Variants in SLC6A11 observed in about 807,000 individuals in gnomAD.
SLC6A11 encodes solute carrier family 6 member 11, also known as sodium- and chloride-dependent GABA transporter 3.
In SLC6A11, 25 loss-of-function variants were observed where a neutral mutation model predicts 74.8. The observed-to-expected ratio is 0.33, with a 90% CI of 0.24 to 0.47. The LOEUF is 0.47. Ranked by LOEUF, SLC6A11 falls within the 20% of genes least tolerant of loss-of-function variation. The probability of loss-of-function intolerance (pLI) is 1.00; values close to 1 mark genes in which losing one functional copy is unlikely to be tolerated. For synonymous variants in SLC6A11, 330 were observed against 330.2 expected (o/e 1.00, Z 0.01); for missense variants, 574 against 837.0 (o/e 0.69, Z 3.88).
intron 5 of SLC6A11, among the ~76,000 whole-genome samples, chr3:10,850,769 C>T (rs1316079451): frequency 6.6e-6 from 1 of 152,144 alleles, no homozygotes; most frequent in Non-Finnish European, 1.5e-5. Context: ...ACAGGTTTTC[C>T]AGCAGGGATA....
intron 6 of SLC6A11, among the ~76,000 whole-genome samples, chr3:10,910,615 C>T (rs1307748045): frequency 2.0e-5 from 3 of 152,048 alleles, no homozygotes; most frequent in Admixed American, 6.5e-5. Context: ...TGAGAGGTTA[C>T]ACCACAGGCC....
chr3:10,919,629 C>T (rs1020356016), intron 8 of SLC6A11, among the ~76,000 whole-genome samples: 20 of 152,238 alleles, frequency 1.3e-4, no homozygotes, highest in Admixed American at 1.3e-3. Flanking sequence ...TCAGAGTCCA[C>T]CTTGCTCTTG....
intron 5 of SLC6A11, among the ~76,000 whole-genome samples, chr3:10,867,109 A>G (rs2106598521): frequency 6.6e-6 from 1 of 152,334 alleles, no homozygotes; most frequent in South Asian, 2.1e-4. Context: ...GAGAGATAGA[A>G]GCGAGACTGG....
intron 7 of SLC6A11, among the ~76,000 whole-genome samples, chr3:10,912,817 G>C (rs1377676731): frequency 6.6e-6 from 1 of 152,122 alleles, no homozygotes; most frequent in African/African-American, 2.4e-5. Context: ...ACCCAGCTCT[G>C]TGTGGTGGAA....
At chr3:10,912,289 G>A (rs1034026821) in intron 7 of SLC6A11, 96 bp downstream of exon 7, 15 of 833,328 alleles carry the variant, frequency 1.8e-5, no homozygotes, top group South Asian at 1.7e-4. Flanking sequence ...ACCTTGCAGG[G>A]CCCCAGGAGG....
At chr3:10,868,247 T>C (rs1337917241) in intron 5 of SLC6A11, among the ~76,000 whole-genome samples, 1 of 152,190 alleles carries the variant, frequency 6.6e-6, no homozygotes, top group Non-Finnish European at 1.5e-5. Flanking sequence ...GCCCTGCTTT[T>C]TTGGATGCCT....
intron 5 of SLC6A11, among the ~76,000 whole-genome samples, chr3:10,866,059 C>G (rs1694759545): frequency 6.6e-6 from 1 of 152,178 alleles, no homozygotes; most frequent in Non-Finnish European, 1.5e-5. Context: ...GTTTATTTCT[C>G]TCTCCCATAA....
intron 5 of SLC6A11, among the ~76,000 whole-genome samples, chr3:10,873,660 G>GTCCTATCCTA (rs1215304371): frequency 6.4e-5 from 5 of 78,190 alleles, no homozygotes; most frequent in African/African-American, 3.6e-4. Context: ...CATCTATCCC[G>GTCCTATCCTA]TCCTATCCTA....
At chr3:10,892,022 T>C (rs1471849288) in intron 6 of SLC6A11, among the ~76,000 whole-genome samples, 1 of 152,248 alleles carries the variant, frequency 6.6e-6, no homozygotes, top group Admixed American at 6.5e-5. Flanking sequence ...AGCTCCTCCA[T>C]AGTTGGGAAG....
chr3:10,824,598 A>G (rs1274503022), intron 4 of SLC6A11: 4 of 152,188 alleles, frequency 2.6e-5, no homozygotes, highest in African/African-American at 9.7e-5. Flanking sequence ...TACATTTTTT[A>G]TAACAACTTT....
intron 5 of SLC6A11, among the ~76,000 whole-genome samples, chr3:10,852,093 G>A (rs573352053): frequency 6.6e-6 from 1 of 152,384 alleles, no homozygotes; most frequent in South Asian, 2.1e-4. Context: ...CAGAGGACAG[G>A]CCCAGGAAAG....
At chr3:10,828,397 G>A (rs191022699) in intron 4 of SLC6A11, among the ~76,000 whole-genome samples, 1 of 152,226 alleles carries the variant, frequency 6.6e-6, no homozygotes, top group African/African-American at 2.4e-5. Flanking sequence ...GAGGAGTTTT[G>A]TTTTTAGTGT....
chr3:10,908,514 T>G (rs887855185), intron 6 of SLC6A11, among the ~76,000 whole-genome samples: 3 of 152,158 alleles, frequency 2.0e-5, no homozygotes, highest in Admixed American at 1.3e-4. Context: ...CCTTAAAGAT[T>G]CATGTGAATC....
intron 8 of SLC6A11, among the ~76,000 whole-genome samples, chr3:10,923,871 G>A (rs1278244288): frequency 5.9e-3 from 1 of 170 alleles, no homozygotes; most frequent in Non-Finnish European, 0.01. Context: ...ATGTACCCCC[G>A]ATATAATACA....
chr3:10,835,340 C>A (rs1239562008), intron 4 of SLC6A11, among the ~76,000 whole-genome samples: 1 of 152,214 alleles, frequency 6.6e-6, no homozygotes, highest in Non-Finnish European at 1.5e-5. Context: ...GGAGGCCCTT[C>A]CCACCACGTG....
chr3:10,883,319 G>A (rs1467403324), intron 6 of SLC6A11, among the ~76,000 whole-genome samples: 1 of 152,076 alleles, frequency 6.6e-6, no homozygotes, highest in East Asian at 1.9e-4. Context: ...CAGTCTTTGG[G>A]GAGCTGAGGG....
intron 6 of SLC6A11, among the ~76,000 whole-genome samples, chr3:10,882,610 CA>C (rs1694995552): frequency 6.6e-6 from 1 of 152,150 alleles, no homozygotes; most frequent in South Asian, 2.1e-4. Context: ...AAGGAAGGAC[CA>C]AACAAGTGAA....
At chr3:10,863,743 G>C (rs890356694) in intron 5 of SLC6A11, among the ~76,000 whole-genome samples, 3 of 152,188 alleles carry the variant, frequency 2.0e-5, no homozygotes, top group Admixed American at 6.5e-5. Flanking sequence ...TCCCACTCAG[G>C]TGAAGGGTGA....
In SLC6A11 at chr3:10,940,399, T is replaced by G. The variant is rs1283306144; in HGVS notation, c.*1997T>G. 1 of 151,912 alleles carries G rather than the reference T, an allele frequency of 6.6e-6. No homozygotes were observed. The highest frequency in any genetic ancestry group is 1.5e-5 in the Non-Finnish European group (1 of 67,998). The allele number at this position is 151,912 out of a possible 1,614,324, so 9.4% of individuals were successfully genotyped here. A position where few individuals can be genotyped will look rare whatever the true frequency, so the allele number is the denominator to read the frequency against. On this transcript the variant is annotated 3_prime_UTR_variant, in exon 14 of 14. Coordinates refer to ENST00000254488, the MANE Select transcript of SLC6A11 (RefSeq NM_014229.3). ...ACACACACACACGTCGTAATGTGGCTAACGCTTGACTCACTTAACACTACT... is the reference window on the plus strand; with the variant it reads ...ACACACACACACGTCGTAATGTGGCGAACGCTTGACTCACTTAACACTACT...
Sources: gnomAD v4.1 joint callset for allele counts (sites outside exome capture counted in the v4.1 genomes callset) on GRCh38, gnomAD v4.1.1 for gene constraint, MANE v1.5 for transcripts, NCBI Gene and HGNC (gene_info 2026-07-23, HGNC 2026-07-21) for gene names.